HSPA4L: variants seen among roughly 807,000 people sequenced by gnomAD.
HSPA4L encodes heat shock protein family A (Hsp70) member 4 like, also known as heat shock 70 kDa protein 4L.
In HSPA4L, 48 loss-of-function variants were observed where a neutral mutation model predicts 100.3. That is an observed-to-expected ratio of 0.48 (90% confidence interval 0.38 to 0.61). HSPA4L has a LOEUF of 0.61. HSPA4L is among the 20% of genes least tolerant of loss of function. The probability of loss-of-function intolerance (pLI) is 0.00; values close to 1 mark genes in which losing one functional copy is unlikely to be tolerated. For missense variants in HSPA4L, 886 were observed against 988.6 expected (o/e 0.90, Z 1.39); for synonymous variants, 319 against 328.2 (o/e 0.97, Z 0.30).
chr4:127,794,215 TA>T, intron 2 of HSPA4L, 81 bp downstream of exon 2: 1 of 1,007,682 alleles, frequency 9.9e-7, no homozygotes, highest in Non-Finnish European at 1.5e-6. Flanking sequence ...GTTATATTGT[TA>T]AGAGTGAATA....
chr4:127,805,076 TACA>T lies in HSPA4L; in HGVS notation c.992_994del (p.Gln331del). On this transcript the variant is annotated inframe_deletion, in exon 9 of 19. Transcript: ENST00000296464. The stretch of plus-strand genomic sequence containing the variant: ...CTCAATTAAAAAAATTTTCCAGACT[TACA>T]ACGTGAAGACATTAGTAGTATAGAA... 1.9e-6 allele frequency: 3 copies of T among 1,588,040 alleles called. No individual in the cohort carries two copies. Among genetic ancestry groups the T allele is most frequent in the Non-Finnish European group, 2.6e-6 (3 of 1,168,686 alleles).
intron 12 of HSPA4L, among the ~76,000 whole-genome samples, chr4:127,815,036 A>C (rs543077084): frequency 6.6e-6 from 1 of 152,274 alleles, no homozygotes; most frequent in African/African-American, 2.4e-5. Flanking sequence ...ATAATAAGAT[A>C]ATAAGTTCTT....
chr4:127,818,293 C>T lies in HSPA4L; in HGVS notation c.1579-32C>T, dbSNP rs372515440. ...TTTTTAAAACAAAAAAAAGACACTG[C>T]GTATATTATCAATTATGTATTTTCT... is the stretch of plus-strand genomic sequence containing the variant. On this transcript the variant is annotated intron_variant, in intron 12 of 18. Transcript: ENST00000296464. 2.0e-5 allele frequency: 28 copies of T among 1,422,060 alleles called. 1 individual carries two copies. Among genetic ancestry groups the T allele is most frequent in the African/African-American group, 9.9e-5 (7 of 70,556 alleles). 88.1% of individuals were successfully genotyped at this position (1,422,060 alleles called of 1,614,324 possible).
intron 2 of HSPA4L, 78 bp downstream of exon 2, chr4:127,794,212 T>C (rs1732956904): frequency 9.0e-7 from 1 of 1,116,984 alleles, no homozygotes; most frequent in Admixed American, 1.8e-5. Context: ...TAAGTTATAT[T>C]GTTAAGAGTG....
chr4:127,805,861 A>G, intron 10 of HSPA4L, 68 bp downstream of exon 10: 1 of 983,404 alleles, frequency 1.0e-6, no homozygotes, highest in Non-Finnish European at 1.5e-6. Flanking sequence ...CTACTTTTCT[A>G]AATTAGAGAA....
intron 17 of HSPA4L, among the ~76,000 whole-genome samples, chr4:127,828,111 G>A (rs1432897551): frequency 6.6e-6 from 1 of 152,014 alleles, no homozygotes; most frequent in Non-Finnish European, 1.5e-5. Context: ...ATCTGCCACT[G>A]TAGCACAAAA....
chr4:127,794,028 C>T (rs1212336929), intron 1 of HSPA4L, 49 bp from the exon 2 acceptor site: 1 of 1,333,720 alleles, frequency 7.5e-7, no homozygotes. Context: ...AATAATAGCA[C>T]AATAATATAA....
At chr4:127,793,781 C>T (rs139207902) in intron 1 of HSPA4L, among the ~76,000 whole-genome samples, 253 of 152,200 alleles carry the variant, frequency 1.7e-3, no homozygotes, top group African/African-American at 5.8e-3. Context: ...TTGGTCAACA[C>T]GGTTGAGTTT....
At chr4:127,809,523 A>C in intron 11 of HSPA4L, 1 of 840,364 alleles carries the variant, frequency 1.2e-6, no homozygotes, top group South Asian at 1.3e-5. Context: ...ATCAAATGCC[A>C]AAGCTACTGT....
At chr4:127,793,487 G>A (rs1732932431) in intron 1 of HSPA4L, among the ~76,000 whole-genome samples, 2 of 152,126 alleles carry the variant, frequency 1.3e-5, no homozygotes, top group Non-Finnish European at 2.9e-5. Flanking sequence ...GTATTTTGAT[G>A]AAGATGTTAT....
chr4:127,804,405 A>G (rs1274696871), intron 8 of HSPA4L, among the ~76,000 whole-genome samples: 1 of 152,096 alleles, frequency 6.6e-6, no homozygotes, highest in Non-Finnish European at 1.5e-5. Flanking sequence ...CAGGAGTTCA[A>G]GACCAGCCTG....
chr4:127,803,774 G>T lies in HSPA4L; in HGVS notation c.809G>T (p.Cys270Phe). The change falls in exon 7 of 19, where the codon TGT becomes TTT. Residue 270 changes from cysteine to phenylalanine, a missense_variant. Coordinates refer to ENST00000296464, the MANE Select transcript of HSPA4L (RefSeq NM_014278.4). ...GCCTTGTTGCGTTTATATCAGGAAT[G>T]TGAAAAACTAAAGAAGCTAATGAGT... is the stretch of plus-strand genomic sequence containing the variant. ...SRALLRLYQE[C>F]EKLKKLMSAN... 1 of 1,613,992 alleles carries T rather than the reference G, an allele frequency of 6.2e-7. No homozygotes were observed. Among genetic ancestry groups the T allele is most frequent in the African/African-American group, 1.3e-5 (1 of 75,036 alleles).
intron 15 of HSPA4L, 149 bp downstream of exon 15, chr4:127,823,043 G>T: frequency 1.5e-6 from 1 of 655,840 alleles, no homozygotes; most frequent in Non-Finnish European, 2.4e-6. Flanking sequence ...TTTACAAGTT[G>T]CAGAAGTATG....
intron 10 of HSPA4L, among the ~76,000 whole-genome samples, chr4:127,806,487 T>C (rs1733361157): frequency 6.6e-6 from 1 of 152,036 alleles, no homozygotes; most frequent in Non-Finnish European, 1.5e-5. Context: ...TACTGGTTTA[T>C]ATTCCTATTA....
At position 127,795,860 on chromosome 4, in the gene HSPA4L, G is replaced by T. The variant is rs1233880375; in HGVS notation, c.258G>T (p.Arg86Ser). 1 of 1,613,698 alleles carries T rather than the reference G, an allele frequency of 6.2e-7. No homozygotes were observed. The highest frequency in any genetic ancestry group is 8.5e-7 in the Non-Finnish European group (1 of 1,179,660). The stretch of plus-strand genomic sequence containing the variant: ...CCATTGTGCAAACTGAAAGGATCAG[G>T]CTTCCCTATGAACTGCAGAAAATGC... ...DDPIVQTERI[R>S]LPYELQKMPN... The change falls in exon 3 of 19, where the codon AGG becomes AGT. Residue 86 changes from arginine to serine, a missense_variant. Coordinates refer to ENST00000296464, the MANE Select transcript of HSPA4L (RefSeq NM_014278.4).
chr4:127,805,320 A>C (rs1218408405), intron 9 of HSPA4L, 96 bp downstream of exon 9: 2 of 867,262 alleles, frequency 2.3e-6, no homozygotes, highest in African/African-American at 3.4e-5. Context: ...CCATCCACTT[A>C]TCAATAAGCT....
intron 4 of HSPA4L, among the ~76,000 whole-genome samples, 199 bp downstream of exon 4, chr4:127,798,908 C>T (rs58353658): frequency 0.014 from 2,196 of 152,258 alleles, 63 homozygotes; most frequent in African/African-American, 0.05. Flanking sequence ...TTATGATGAG[C>T]AGTGACTCTT....
rs1208185374 is a variant in HSPA4L at position 127,798,677 on chromosome 4, T to C, written c.397T>C (p.Leu133=). 1 of 1,613,578 alleles carries C rather than the reference T, an allele frequency of 6.2e-7. No homozygotes were observed. The highest frequency in any genetic ancestry group is 2.2e-5 in the East Asian group (1 of 44,824). Residue 133 remains leucine (L), a synonymous_variant, in exon 4 of 19, where the codon TTG becomes CTG. Transcript: ENST00000296464. ...GCTTAAAGAGACTTCAGAAAATGCT[T>C]TGAAGAAACCAGTGGCTGACTGTGT... is the stretch of plus-strand genomic sequence containing the variant. ...AKLKETSENA[L]KKPVADCVIS...
chr4:127,783,675 G>A (rs1392864665), intron 1 of HSPA4L: 2 of 1,535,166 alleles, frequency 1.3e-6, no homozygotes, highest in Non-Finnish European at 1.7e-6. Context: ...TACTTTTTAT[G>A]GAAAGGTAAT....
Sources: gnomAD v4.1 joint callset for allele counts (sites outside exome capture counted in the v4.1 genomes callset) on GRCh38, gnomAD v4.1.1 for gene constraint, MANE v1.5 for transcripts, NCBI Gene and HGNC (gene_info 2026-07-23, HGNC 2026-07-21) for gene names.